Variants in PTPRT observed in about 807,000 individuals in gnomAD.
The protein encoded by PTPRT is protein tyrosine phosphatase receptor type T.
Under a neutral mutation model 176.8 loss-of-function variants are expected in PTPRT, and 56 were observed. The observed-to-expected ratio is 0.32, with a 90% CI of 0.26 to 0.40. The LOEUF is 0.40. Ranked by LOEUF, PTPRT falls within the 10% of genes least tolerant of loss-of-function variation. The pLI is 1.00. For missense variants in PTPRT, 1,540 were observed against 1,908.2 expected, an observed-to-expected ratio of 0.81 and a Z score of 3.60; for synonymous variants, 783 against 739.0, an observed-to-expected ratio of 1.06 and a Z score of -0.96.
intron 18 of PTPRT, among the ~76,000 whole-genome samples, chr20:42,133,716 A>G (rs912730373): frequency 3.3e-5 from 5 of 152,342 alleles, no homozygotes; most frequent in East Asian, 1.9e-4. Context: ...AATCAATATT[A>G]GCTAATTGTA....
chr20:43,155,275 C>G (rs187430055), intron 1 of PTPRT, among the ~76,000 whole-genome samples: 1 of 152,124 alleles, frequency 6.6e-6, no homozygotes, highest in African/African-American at 2.4e-5. Flanking sequence ...CAAAATCAAT[C>G]TAAATGTCCA....
intron 1 of PTPRT, among the ~76,000 whole-genome samples, chr20:42,922,784 G>A (rs967408103): frequency 6.6e-6 from 1 of 152,090 alleles, no homozygotes; most frequent in African/African-American, 2.4e-5. Context: ...GATTAGCTGA[G>A]GGTCACTCAA....
rs1414304836 is a variant in PTPRT at position 42,102,132 on chromosome 20, G to A, written c.3706C>T (p.Leu1236=). 1.2e-6 allele frequency: 2 copies of A among 1,613,944 alleles called. No homozygotes were observed. Among genetic ancestry groups the A allele is most frequent in the Non-Finnish European group, 1.7e-6 (2 of 1,179,934 alleles). The change falls in exon 26 of 31, where the codon CTG becomes TTG. Residue 1236 remains leucine (L), a synonymous_variant. Coordinates refer to ENST00000373187, the MANE Select transcript of PTPRT (RefSeq NM_007050.6). ...GCCCGGGCTCGGCTTACATCCATCA[G>A]TGCTGCGTTGATGTAATTGCTGGAT... ...GESSNYINAA[L]MDSHKQPAAF...
At chr20:43,127,107 C>A (rs548654824) in intron 1 of PTPRT, among the ~76,000 whole-genome samples, 13 of 152,082 alleles carry the variant, frequency 8.5e-5, no homozygotes, top group African/African-American at 2.7e-4. Context: ...CTCCTAATCC[C>A]TAAACAAGAA....
intron 9 of PTPRT, among the ~76,000 whole-genome samples, chr20:42,431,794 C>T (rs2059217598): frequency 1.3e-5 from 2 of 152,126 alleles, no homozygotes; most frequent in African/African-American, 4.8e-5. Context: ...TGTGGTTCTG[C>T]CCTTCAGTCA....
Position 42,278,295 on chromosome 20 carries a change from A to G in PTPRT, c.2176+4194T>C, listed in dbSNP as rs118024589. On this transcript the variant is annotated intron_variant, in intron 13 of 30. Coordinates refer to ENST00000373187, the MANE Select transcript of PTPRT (RefSeq NM_007050.6). ...TCTCTGTTAAGATATTTATCTATTA[A>G]GGAGACATATATAGTAGCCAAAGCA... Among the ~76,000 whole-genome samples, 997 of 130,276 alleles carry G rather than the reference A, an allele frequency of 7.7e-3. 10 individuals are homozygous for G. Among genetic ancestry groups the G allele is most frequent in the Non-Finnish European group, 0.011 (693 of 65,734 alleles). The allele number at this position is 130,276 out of a possible 152,430, so 85.5% of individuals were successfully genotyped here.
intron 1 of PTPRT, among the ~76,000 whole-genome samples, chr20:42,956,398 A>ACT (rs1212874998): frequency 6.6e-6 from 1 of 151,030 alleles, no homozygotes; most frequent in East Asian, 1.9e-4. Flanking sequence ...TCCCCCAGTA[A>ACT]CTCTCTCTCT....
chr20:42,751,913 G>C (rs911994489), intron 6 of PTPRT, among the ~76,000 whole-genome samples: 7 of 152,138 alleles, frequency 4.6e-5, no homozygotes, highest in African/African-American at 1.4e-4. Flanking sequence ...GTGATCATGT[G>C]AGTCAGTTCT....
chr20:42,988,430 C>T (rs943366218), intron 1 of PTPRT, among the ~76,000 whole-genome samples: 1 of 152,180 alleles, frequency 6.6e-6, no homozygotes, highest in Non-Finnish European at 1.5e-5. Flanking sequence ...CACGGGTCTG[C>T]TCTCTCAGGG....
chr20:42,093,498 G>A (rs1386073713), intron 27 of PTPRT, among the ~76,000 whole-genome samples: 2 of 152,170 alleles, frequency 1.3e-5, no homozygotes, highest in Admixed American at 6.5e-5. Context: ...ACTAAATGAA[G>A]TAGTGTAAGA....
chr20:42,155,116 A>AC (rs1369265471), intron 17 of PTPRT, among the ~76,000 whole-genome samples: 1 of 152,050 alleles, frequency 6.6e-6, no homozygotes, highest in African/African-American at 2.4e-5. Context: ...TATATATCCC[A>AC]CCCCCAGTGA....
At chr20:42,248,880 A>C in intron 13 of PTPRT, 58 bp from the exon 14 acceptor site, 1 of 1,585,982 alleles carries the variant, frequency 6.3e-7, no homozygotes, top group Non-Finnish European at 8.6e-7. Context: ...GCGACTAGAC[A>C]ATCATCATAA....
chr20:42,312,656 G>A (rs763628942), intron 12 of PTPRT, among the ~76,000 whole-genome samples: 7 of 152,118 alleles, frequency 4.6e-5, no homozygotes, highest in Non-Finnish European at 8.8e-5. Flanking sequence ...ATTCCTGCCT[G>A]TGTTTCGTTA....
Position 42,080,803 on chromosome 20 carries a change from A to T in PTPRT, c.*76T>A. 1.4e-6 allele frequency: 2 copies of T among 1,443,384 alleles called. No homozygotes were observed. The highest frequency in any genetic ancestry group is 2.3e-5 in the South Asian group (2 of 87,164). The allele number at this position is 1,443,384 out of a possible 1,614,324, so 89.4% of individuals were successfully genotyped here. On this transcript the variant is annotated 3_prime_UTR_variant, in exon 31 of 31. Coordinates refer to ENST00000373187, the MANE Select transcript of PTPRT (RefSeq NM_007050.6). ...GTGCCACCTCAGAGCTCCTGAGCCC[A>T]GTTACTGCCATTCACACAAAAGGGG... is the stretch of plus-strand genomic sequence containing the variant.
intron 14 of PTPRT, among the ~76,000 whole-genome samples, chr20:42,238,694 C>T (rs1188988936): frequency 6.6e-6 from 1 of 152,214 alleles, no homozygotes; most frequent in African/African-American, 2.4e-5. Flanking sequence ...CTCATTGTGA[C>T]ATCTTGGGCA....
At chr20:42,637,581 C>T (rs2074633917) in intron 7 of PTPRT, among the ~76,000 whole-genome samples, 1 of 152,136 alleles carries the variant, frequency 6.6e-6, no homozygotes. Flanking sequence ...CTTAAAATCG[C>T]TCTTCTCCAC....
intron 9 of PTPRT, 113 bp from the exon 10 acceptor site, chr20:42,352,398 T>C: frequency 9.7e-7 from 1 of 1,025,888 alleles, no homozygotes; most frequent in Non-Finnish European, 1.5e-6. Context: ...GCATGTGAAC[T>C]TGGCCAGCAG....
At chr20:42,571,368 G>A (rs1227837278) in intron 7 of PTPRT, among the ~76,000 whole-genome samples, 2 of 152,180 alleles carry the variant, frequency 1.3e-5, no homozygotes, top group East Asian at 1.9e-4. Flanking sequence ...CAAGGAATGC[G>A]TACAGCTTCC....
chr20:42,825,619 A>G (rs1429120390), intron 2 of PTPRT, among the ~76,000 whole-genome samples: 2 of 152,202 alleles, frequency 1.3e-5, no homozygotes, highest in Non-Finnish European at 2.9e-5. Flanking sequence ...TCAACTTTCA[A>G]TTAAACATCA....
Sources: gnomAD v4.1 joint callset for allele counts (sites outside exome capture counted in the v4.1 genomes callset) on GRCh38, gnomAD v4.1.1 for gene constraint, MANE v1.5 for transcripts, NCBI Gene and HGNC (gene_info 2026-07-23, HGNC 2026-07-21) for gene names.